Variants in ZDHHC20 observed in about 807,000 individuals in gnomAD.
ZDHHC20 encodes palmitoyltransferase ZDHHC20.
ZDHHC20 carries 43 observed loss-of-function variants against 57.8 expected under a neutral mutation model. The ratio of observed to expected loss-of-function variants is 0.74; its 90% CI spans 0.58 to 0.96. The LOEUF (loss-of-function observed/expected upper bound fraction) is 0.96. Ranked by LOEUF, ZDHHC20 falls within the 40% of genes least tolerant of loss-of-function variation. The pLI is 0.00. For missense variants in ZDHHC20, 391 were observed against 441.1 expected (o/e 0.89, Z 1.02); for synonymous variants, 157 against 153.0 (o/e 1.03, Z -0.19).
At chr13:21,404,450 G>GA (rs1255377660) in intron 4 of ZDHHC20, 7 of 439,412 alleles carry the variant, frequency 1.6e-5, no homozygotes, top group Non-Finnish European at 3.2e-5. Flanking sequence ...ACATTACATG[G>GA]AAAAAAAGGA....
Position 21,374,795 on chromosome 13 carries a change from A to C in ZDHHC20, c.*1901T>G, listed in dbSNP as rs1871783190. The C allele has an allele frequency of 7.5e-6, 2 of 267,860 alleles. No homozygotes were observed. The highest frequency in any genetic ancestry group is 1.5e-5 in the Non-Finnish European group (2 of 136,484). The allele number at this position is 267,860 out of a possible 1,614,324, so 16.6% of individuals were successfully genotyped here. A position where few individuals can be genotyped will look rare whatever the true frequency, so the allele number is the denominator to read the frequency against. On this transcript the variant is annotated 3_prime_UTR_variant, in exon 13 of 13. Coordinates refer to ENST00000400590, the MANE Select transcript of ZDHHC20 (RefSeq NM_001330059.2). ...AATTTATGCTGTACTAGGAAATGAC[A>C]GAGCTATTCCTAGTTTATTATTTAG...
At chr13:21,441,191 T>C (rs899700771) in intron 1 of ZDHHC20, among the ~76,000 whole-genome samples, 1 of 152,222 alleles carries the variant, frequency 6.6e-6, no homozygotes, top group African/African-American at 2.4e-5. Context: ...AGAACTGGCA[T>C]CTTTGTAATG....
intron 1 of ZDHHC20, among the ~76,000 whole-genome samples, chr13:21,427,967 T>C (rs979600973): frequency 7.0e-6 from 1 of 143,628 alleles, no homozygotes; most frequent in Admixed American, 6.8e-5. Flanking sequence ...TTCCCTTTCA[T>C]AACACCCCTG....
At chr13:21,418,840 AT>A (rs532012782) in intron 3 of ZDHHC20, among the ~76,000 whole-genome samples, 22 of 151,930 alleles carry the variant, frequency 1.4e-4, no homozygotes, top group Admixed American at 5.3e-4. Context: ...TGCCCAGCTA[AT>A]TTTTTTTATT....
rs1409479619 is a variant in ZDHHC20, at chr13:21,375,160, G to A, written c.*1536C>T. 2.2e-6 allele frequency: 1 copy of A among 456,472 alleles called. No homozygotes were observed. Among genetic ancestry groups the A allele is most frequent in the Non-Finnish European group, 4.4e-6 (1 of 226,920 alleles). The allele number at this position is 456,472 out of a possible 1,614,324, so 28.3% of individuals were successfully genotyped here. ...AAAAGAAGAAAAAAATTTATTGGGT[G>A]AATGAAAAGTGATTTTGCAAAATTA... On this transcript the variant is annotated 3_prime_UTR_variant, in exon 13 of 13. Transcript: ENST00000400590.
chr13:21,384,955 T>C (rs1416089520), intron 9 of ZDHHC20, among the ~76,000 whole-genome samples: 1 of 151,644 alleles, frequency 6.6e-6, no homozygotes, highest in Non-Finnish European at 1.5e-5. Flanking sequence ...ATGTGATCTA[T>C]AGCTAAGAAA....
intron 4 of ZDHHC20, among the ~76,000 whole-genome samples, chr13:21,406,158 A>T (rs1372562926): frequency 6.6e-6 from 1 of 152,142 alleles, no homozygotes; most frequent in Non-Finnish European, 1.5e-5. Context: ...CATATATCAA[A>T]TACTCCTGGC....
chr13:21,380,102 A>ACC (rs1385938437), intron 11 of ZDHHC20, among the ~76,000 whole-genome samples: 2 of 150,252 alleles, frequency 1.3e-5, no homozygotes, highest in East Asian at 4.0e-4. Flanking sequence ...GGCATGAGCC[A>ACC]CCGTGCCCAG....
At chr13:21,455,184 G>T (rs1005270426) in intron 1 of ZDHHC20, among the ~76,000 whole-genome samples, 1 of 152,162 alleles carries the variant, frequency 6.6e-6, no homozygotes, top group African/African-American at 2.4e-5. Flanking sequence ...CTCCCAAAGC[G>T]CTGGGATTAC....
chr13:21,381,981 A>T (rs1330581479), intron 10 of ZDHHC20: 1 of 510,728 alleles, frequency 2.0e-6, no homozygotes, highest in Non-Finnish European at 3.9e-6. Flanking sequence ...TTTAGCGTAG[A>T]CTTATTTTTC....
chr13:21,409,720 G>A (rs1878952467), intron 4 of ZDHHC20, among the ~76,000 whole-genome samples: 2 of 152,100 alleles, frequency 1.3e-5, no homozygotes, highest in South Asian at 4.1e-4. Context: ...TTCTCGTGGT[G>A]TGTTTTTCAG....
Position 21,375,075 on chromosome 13 carries a change from A to T in ZDHHC20, c.*1621T>A, listed in dbSNP as rs966199327. 4.4e-6 allele frequency: 2 copies of T among 453,848 alleles called. No homozygotes were observed. The highest frequency in any genetic ancestry group is 2.4e-5 in the Admixed American group (1 of 42,438). The allele number at this position is 453,848 out of a possible 1,614,324, so 28.1% of individuals were successfully genotyped here. A position where few individuals can be genotyped will look rare whatever the true frequency, so the allele number is the denominator to read the frequency against. ...ATTGAACCTGGAAGGCAGAGGTTGC[A>T]GCGAGCCAAGATCCCGCCACTGCAC... On this transcript the variant is annotated 3_prime_UTR_variant, in exon 13 of 13. Transcript: ENST00000400590.
intron 1 of ZDHHC20, among the ~76,000 whole-genome samples, chr13:21,455,112 G>A (rs936041140): frequency 6.6e-5 from 10 of 152,082 alleles, no homozygotes; most frequent in African/African-American, 2.4e-4. Context: ...AGAGAGATGG[G>A]GTTTCACCGT....
chr13:21,422,814 G>A (rs1314861177), intron 2 of ZDHHC20, among the ~76,000 whole-genome samples: 1 of 152,002 alleles, frequency 6.6e-6, no homozygotes, highest in East Asian at 1.9e-4. Context: ...CCTCTTGGCT[G>A]TGGAATTCCT....
chr13:21,375,127 C>A lies in ZDHHC20; in HGVS notation c.*1569G>T, dbSNP rs1413570834. 2.2e-6 allele frequency: 1 copy of A among 456,168 alleles called. No individual in the cohort carries two copies. Among genetic ancestry groups the A allele is most frequent in the Non-Finnish European group, 4.4e-6 (1 of 226,806 alleles). The allele number at this position is 456,168 out of a possible 1,614,324, so 28.3% of individuals were successfully genotyped here. A position where few individuals can be genotyped will look rare whatever the true frequency, so the allele number is the denominator to read the frequency against. ...CCTGCCTGGGAGACAGAGCAAAACT[C>A]TGTGGAAAAAAGAAGAAAAAAATTT... On this transcript the variant is annotated 3_prime_UTR_variant, in exon 13 of 13. Transcript: ENST00000400590.
In ZDHHC20 at chr13:21,449,189, G is replaced by T. The variant is rs1026341837; in HGVS notation, c.118+9865C>A. ...CCATGACCCTGCCAAATCCCCCTCTGTGAGAAACACCCAAGAATTATCAAT... is the reference window on the plus strand; with the variant it reads ...CCATGACCCTGCCAAATCCCCCTCTTTGAGAAACACCCAAGAATTATCAAT... On this transcript the variant is annotated intron_variant, in intron 1 of 12. Transcript: ENST00000400590. 5.4e-5 allele frequency among the ~76,000 whole-genome samples: 8 copies of T among 148,312 alleles called. No homozygotes were observed. In the East Asian group the frequency reaches 1.4e-3, roughly 25 times the overall value.
intron 1 of ZDHHC20, 39 bp downstream of exon 1, chr13:21,459,015 G>A (rs1885167060): frequency 3.3e-6 from 5 of 1,521,202 alleles, no homozygotes; most frequent in Non-Finnish European, 3.6e-6. Flanking sequence ...CCCTAGCCGC[G>A]GCCCGCGCCC....
At chr13:21,412,855 C>T (rs181399228) in intron 4 of ZDHHC20, among the ~76,000 whole-genome samples, 2 of 151,366 alleles carry the variant, frequency 1.3e-5, no homozygotes, top group African/African-American at 4.8e-5. Context: ...TGCAATCCCA[C>T]CTACTCAGGA....
intron 9 of ZDHHC20, among the ~76,000 whole-genome samples, chr13:21,386,362 CAACT>C (rs1318794335): frequency 6.6e-6 from 1 of 152,020 alleles, no homozygotes; most frequent in Non-Finnish European, 1.5e-5. Context: ...CCAAAAAGCT[CAACT>C]AATACCAAGC....
Sources: allele counts gnomAD v4.1 joint callset (sites outside exome capture counted in the v4.1 genomes callset), GRCh38; gene constraint gnomAD v4.1.1; transcripts MANE v1.5; gene names NCBI Gene and HGNC (gene_info 2026-07-23, HGNC 2026-07-21).